The following BCAM variants were observed in gnomAD, a reference collection of about 807,000 sequenced individuals.
BCAM encodes basal cell adhesion molecule.
In BCAM, 61 loss-of-function variants were observed where a neutral mutation model predicts 72.4. That is an observed-to-expected ratio of 0.84 (90% confidence interval 0.69 to 1.04). The LOEUF (loss-of-function observed/expected upper bound fraction) is 1.04. Among genes scored for constraint, BCAM ranks in the 50% least tolerant of loss-of-function variants. The pLI, the probability that BCAM is intolerant of heterozygous loss-of-function variation, is 0.00. For missense variants in BCAM, 909 were observed against 895.0 expected, an observed-to-expected ratio of 1.02 and a Z score of -0.20; for synonymous variants, 408 against 384.2, an observed-to-expected ratio of 1.06 and a Z score of -0.73.
intron 1 of BCAM, among the ~76,000 whole-genome samples, chr19:44,809,421 G>A (rs987659887): frequency 1.2e-4 from 18 of 152,088 alleles, no homozygotes; most frequent in Admixed American, 5.2e-4. Flanking sequence ...GTGGATCAGA[G>A]ACAACCAGAG....
rs374739045 is a variant in BCAM at position 44,818,675 on chromosome 19, C to T, written c.1194+38C>T. 6.2e-7 allele frequency: 1 copy of T among 1,611,536 alleles called. No homozygotes were observed. Among genetic ancestry groups the T allele is most frequent in the African/African-American group, 1.3e-5 (1 of 74,860 alleles). On this transcript the variant is annotated intron_variant, in intron 9 of 14. Transcript: ENST00000270233. This position sits in a 1 kb window ranked among gnomAD's most constrained non-coding sequence, Gnocchi z 4.6. ...GGAGCCCCCTCGGGCCCTGCACTCG[C>T]ACCCTCCTCTCTCCCCTCACTCCTC...
In BCAM at chr19:44,820,715, G is replaced by A; in HGVS notation, c.1774G>A (p.Glu592Lys). The A allele has an allele frequency of 7.1e-7, 1 of 1,405,512 alleles. No individual in the cohort carries two copies. The allele number at this position is 1,405,512 out of a possible 1,614,324, so 87.1% of individuals were successfully genotyped here. Residue 592 changes from glutamate (E) to lysine (K), a missense_variant, in exon 14 of 15, where the codon GAG becomes AAG. Coordinates refer to ENST00000270233, the MANE Select transcript of BCAM (RefSeq NM_005581.5). ...GCCTCCTCCCCCCAGGCCGCCAGGG[G>A]AGCCAGGGCTGAGCCACTCGGGGTC... The part of the protein sequence containing the change: ...RREKGAPPPG[E>K]PGLSHSGSEQ...
chr19:44,813,753 T>G lies in BCAM; in HGVS notation c.784+133T>G. 2.4e-6 allele frequency: 3 copies of G among 1,275,686 alleles called. No homozygotes were observed. The highest frequency in any genetic ancestry group is 3.2e-6 in the Non-Finnish European group (3 of 943,878). The allele number at this position is 1,275,686 out of a possible 1,614,324, so 79.0% of individuals were successfully genotyped here. A position where few individuals can be genotyped will look rare whatever the true frequency, so the allele number is the denominator to read the frequency against. Reference sequence around the variant, plus strand: ...TTCATGCTAAAAAAAAATGTGCTAGTGCTGGCCACTGACCTCTGACCTCAA... The same window carrying G: ...TTCATGCTAAAAAAAAATGTGCTAGGGCTGGCCACTGACCTCTGACCTCAA... On this transcript the variant is annotated intron_variant, in intron 6 of 14. Transcript: ENST00000270233. The surrounding 1 kb of genome is among the most constrained non-coding windows in gnomAD (Gnocchi z 4.2).
rs28399611 is a variant in BCAM, at chr19:44,813,766, C to A, written c.784+146C>A. The A allele has an allele frequency of 7.6e-4, 896 of 1,176,782 alleles. 12 individuals are homozygous for A. The African/African-American group carries it at 0.013, about 17-fold the overall frequency. The allele number at this position is 1,176,782 out of a possible 1,614,324, so 72.9% of individuals were successfully genotyped here. The stretch of plus-strand genomic sequence containing the variant: ...AAAATGTGCTAGTGCTGGCCACTGA[C>A]CTCTGACCTCAATTGGTCGCACAAG... On this transcript the variant is annotated intron_variant, in intron 6 of 14. Transcript: ENST00000270233. The surrounding 1 kb of genome is among the most constrained non-coding windows in gnomAD (Gnocchi z 4.2).
In BCAM at chr19:44,813,981, C is replaced by T. The variant is rs910527467; in HGVS notation, c.785-171C>T. 6.6e-6 allele frequency among the ~76,000 whole-genome samples: 1 copy of T among 152,194 alleles called. No homozygotes were observed. Among genetic ancestry groups the T allele is most frequent in the Non-Finnish European group, 1.5e-5 (1 of 68,036 alleles). On this transcript the variant is annotated intron_variant, in intron 6 of 14. Transcript: ENST00000270233. The surrounding 1 kb of genome is among the most constrained non-coding windows in gnomAD (Gnocchi z 4.2). ...GACCTATACTCTTAGTTTATTTCAA[C>T]CTCTGAACTCTGGCACTCAGAATAA...
intron 1 of BCAM, among the ~76,000 whole-genome samples, chr19:44,809,530 A>G (rs113748136): frequency 7.1e-4 from 108 of 152,048 alleles, no homozygotes; most frequent in Non-Finnish European, 1.3e-3. Flanking sequence ...CTTTCCTCAG[A>G]CCCAGGAGTC....
chr19:44,820,804 CG>C lies in BCAM; in HGVS notation c.1868del (p.Gly623AlafsTer12). On this transcript the variant is annotated frameshift_variant, in exon 14 of 15. Transcript: ENST00000270233. LOFTEE classifies it high-confidence loss of function. ...GASGGARGGS[G>X]GFGDEC ...CCTCCGGAGGAGCCAGGGGTGGCAGCGGGGGCTTCGGAGACGAGGTGGGTGA... is the reference window on the plus strand; with the variant it reads ...CCTCCGGAGGAGCCAGGGGTGGCAGCGGGGCTTCGGAGACGAGGTGGGTGA... 1.3e-6 allele frequency: 2 copies of C among 1,509,610 alleles called. No homozygotes were observed. The highest frequency in any genetic ancestry group is 1.8e-6 in the Non-Finnish European group (2 of 1,126,042). The allele number at this position is 1,509,610 out of a possible 1,614,324, so 93.5% of individuals were successfully genotyped here.
At chr19:44,809,457 C>G (rs185425567) in intron 1 of BCAM, among the ~76,000 whole-genome samples, 1 of 152,072 alleles carries the variant, frequency 6.6e-6, no homozygotes, top group Admixed American at 6.5e-5. Context: ...CCACTCAGCA[C>G]CCTGGAATCT....
rs1213015157 is a variant in BCAM at position 44,818,993 on chromosome 19, G to A, written c.1337-63G>A. ...TGGCTGGGGACTCCATCTTCTGCTC[G>A]ATGCCTCTCTTCTCTCTCTCTCTCC... On this transcript the variant is annotated intron_variant, in intron 10 of 14. Coordinates refer to ENST00000270233, the MANE Select transcript of BCAM (RefSeq NM_005581.5). This position sits in a 1 kb window ranked among gnomAD's most constrained non-coding sequence, Gnocchi z 4.6. 1.1e-5 allele frequency: 17 copies of A among 1,602,278 alleles called. No homozygotes were observed. The highest frequency in any genetic ancestry group is 9.4e-5 in the African/African-American group (7 of 74,638).
chr19:44,812,212 G>A lies in BCAM; in HGVS notation c.254G>A (p.Gly85Asp), dbSNP rs372076542. The A allele has an allele frequency of 1.2e-5, 20 of 1,607,060 alleles. No individual in the cohort carries two copies. The highest frequency in any genetic ancestry group is 1.6e-5 in the Non-Finnish European group (19 of 1,178,204). ...RPRLASAEMQ[G>D]SELQVTMHDT... is the part of the protein sequence containing the mutation. ...CGCCTAGCCTCGGCTGAGATGCAGG[G>A]CTCTGAGCTCCAGGTCACAATGCAC... Residue 85 changes from glycine (G) to aspartate (D), a missense_variant, in exon 3 of 15, where the codon GGC becomes GAC. Gly to Asp is a moderately conservative substitution (Grantham distance 94). Transcript: ENST00000270233. This position sits in a 1 kb window ranked among gnomAD's most constrained non-coding sequence, Gnocchi z 5.3.
chr19:44,819,434 C>T lies in BCAM; in HGVS notation c.1562C>T (p.Ser521Phe). Residue 521 changes from serine (S) to phenylalanine (F), a missense_variant, in exon 12 of 15, where the codon TCC (serine) becomes TTC (phenylalanine). Physicochemically the swap from Ser to Phe is radical, Grantham distance 155 (BLOSUM62 -2). Coordinates refer to ENST00000270233, the MANE Select transcript of BCAM (RefSeq NM_005581.5). ...AGCGCCCTGAGCCGCGATGGCATCT[C>T]CTGTGAAGCCTCCAACCCCCACGGG... ...VTSALSRDGI[S>F]CEASNPHGNK... 6.2e-7 allele frequency: 1 copy of T among 1,614,092 alleles called. No homozygotes were observed. The highest frequency in any genetic ancestry group is 1.1e-5 in the South Asian group (1 of 91,090).
chr19:44,814,510 T>C lies in BCAM; in HGVS notation c.922-94T>C. 1.3e-6 allele frequency: 2 copies of C among 1,513,988 alleles called. No individual in the cohort carries two copies. Among genetic ancestry groups the C allele is most frequent in the African/African-American group, 2.8e-5 (2 of 72,366 alleles). The allele number at this position is 1,513,988 out of a possible 1,614,324, so 93.8% of individuals were successfully genotyped here. ...ATGGCCCCTGACCCCTGATTCTGGC[T>C]TAGCATGACACTAACCTGGTGGCTT... On this transcript the variant is annotated intron_variant, in intron 7 of 14. Transcript: ENST00000270233. The surrounding 1 kb of genome is among the most constrained non-coding windows in gnomAD (Gnocchi z 4.6).
rs756288400 is a variant in BCAM, at chr19:44,812,122, G to T, written c.205-41G>T. The T allele has an allele frequency of 5.2e-6, 8 of 1,541,300 alleles. No homozygotes were observed. In the South Asian group the frequency reaches 8.1e-5, roughly 16 times the overall value. On this transcript the variant is annotated intron_variant, in intron 2 of 14. Coordinates refer to ENST00000270233, the MANE Select transcript of BCAM (RefSeq NM_005581.5). The surrounding 1 kb of genome is among the most constrained non-coding windows in gnomAD (Gnocchi z 5.3). ...CCCAGAGAGAGAGAGACTGAGGAGC[G>T]CTGGGACACCCGGAGCTGAGAGCCT... is the stretch of plus-strand genomic sequence containing the variant.
intron 8 of BCAM, among the ~76,000 whole-genome samples, chr19:44,815,402 T>A (rs1968491913): frequency 6.6e-6 from 1 of 152,168 alleles, no homozygotes; most frequent in African/African-American, 2.4e-5. Flanking sequence ...CTGCGCCAGA[T>A]GCTGGGGACA....
In BCAM at chr19:44,821,057, T is replaced by G; in HGVS notation, c.*136T>G. 9.9e-7 allele frequency: 1 copy of G among 1,008,408 alleles called. No homozygotes were observed. The allele number at this position is 1,008,408 out of a possible 1,614,324, so 62.5% of individuals were successfully genotyped here. A position where few individuals can be genotyped will look rare whatever the true frequency, so the allele number is the denominator to read the frequency against. Reference sequence around the variant, plus strand: ...CTGCCCAGCCCTCCCTTCCTTCCTCTGCCGGCAAGGCAGGGACCCACAGTG... The same window carrying G: ...CTGCCCAGCCCTCCCTTCCTTCCTCGGCCGGCAAGGCAGGGACCCACAGTG... On this transcript the variant is annotated 3_prime_UTR_variant, in exon 15 of 15. Coordinates refer to ENST00000270233, the MANE Select transcript of BCAM (RefSeq NM_005581.5).
intron 1 of BCAM, 115 bp from the exon 2 acceptor site, chr19:44,811,110 G>C: frequency 6.6e-7 from 1 of 1,508,812 alleles, no homozygotes; most frequent in Non-Finnish European, 9.0e-7. Context: ...GGACTCCTGG[G>C]TCTGAGGGAG....
rs746927559 is a variant in BCAM at position 44,818,473 on chromosome 19, T to C, written c.1079-49T>C. Reference sequence around the variant, plus strand: ...CCGACCGCCCCTGGAGAGCCCCTAATTGAGTGGGTGGCGGTCTGGGACGAG... The same window carrying C: ...CCGACCGCCCCTGGAGAGCCCCTAACTGAGTGGGTGGCGGTCTGGGACGAG... On this transcript the variant is annotated intron_variant, in intron 8 of 14. Transcript: ENST00000270233. This position sits in a 1 kb window ranked among gnomAD's most constrained non-coding sequence, Gnocchi z 4.6. 7.8e-6 allele frequency: 12 copies of C among 1,538,000 alleles called. No homozygotes were observed. The highest frequency in any genetic ancestry group is 4.5e-5 in the South Asian group (4 of 88,036).
At position 44,813,572 on chromosome 19, in the gene BCAM, G is replaced by A. The variant is rs1379185858; in HGVS notation, c.736G>A (p.Gly246Ser). Residue 246 changes from glycine (G) to serine (S), a missense_variant, in exon 6 of 15, where the codon GGC becomes AGC. Physicochemically the swap from Gly to Ser is moderately conservative, Grantham distance 56. Transcript: ENST00000270233. This position sits in a 1 kb window ranked among gnomAD's most constrained non-coding sequence, Gnocchi z 4.2. ...HCAAHYSLPE[G>S]RHGRLDSPTF... is the part of the protein sequence containing the mutation. ...CGCCGCCCACTACAGCCTGCCCGAG[G>A]GCCGCCACGGCCGCCTGGACAGCCC... is the stretch of plus-strand genomic sequence containing the variant. 7 of 1,612,346 alleles carry A rather than the reference G, an allele frequency of 4.3e-6. No homozygotes were observed. The East Asian group carries it at 1.3e-4, about 31-fold the overall frequency.
chr19:44,812,211 G>T lies in BCAM; in HGVS notation c.253G>T (p.Gly85Cys). 6.2e-7 allele frequency: 1 copy of T among 1,605,960 alleles called. No individual in the cohort carries two copies. Among genetic ancestry groups the T allele is most frequent in the Non-Finnish European group, 8.5e-7 (1 of 1,177,876 alleles). The change falls in exon 3 of 15, where the codon GGC becomes TGC. Residue 85 changes from glycine to cysteine, a missense_variant. Coordinates refer to ENST00000270233, the MANE Select transcript of BCAM (RefSeq NM_005581.5). This position sits in a 1 kb window ranked among gnomAD's most constrained non-coding sequence, Gnocchi z 5.3. ...RPRLASAEMQ[G>C]SELQVTMHDT... ...CCGCCTAGCCTCGGCTGAGATGCAG[G>T]GCTCTGAGCTCCAGGTCACAATGCA...
Sources: gnomAD v4.1 joint callset for allele counts (sites outside exome capture counted in the v4.1 genomes callset) on GRCh38, gnomAD v4.1.1 for gene constraint, Gnocchi (gnomAD v3.1) non-coding constraint, MANE v1.5 for transcripts, NCBI Gene and HGNC (gene_info 2026-07-23, HGNC 2026-07-21) for gene names.